Variants in KAZN observed in about 807,000 individuals in gnomAD.
KAZN encodes kazrin.
In KAZN, 40 loss-of-function variants were observed where a neutral mutation model predicts 87.4. The ratio of observed to expected loss-of-function variants is 0.46; its 90% CI spans 0.36 to 0.60. KAZN has a LOEUF of 0.60. Ranked by LOEUF, KAZN falls within the 20% of genes least tolerant of loss-of-function variation. The pLI is 0.00. For missense variants in KAZN, 898 were observed against 1,073.9 expected (o/e 0.84, Z 2.29); for synonymous variants, 466 against 458.3 (o/e 1.02, Z -0.22).
In KAZN at chr1:13,951,731, G is replaced by T. The variant is rs143727586; in HGVS notation, c.91+57975G>T. ...GAAACAGAATGGCCAGCACAGGGTT[G>T]CTGTCCATGATGATCATGCTCTTTG... On this transcript the variant is annotated intron_variant, in intron 1 of 16. Transcript: ENST00000636203. Among the ~76,000 whole-genome samples the T allele has an allele frequency of 8.3e-4, 126 of 152,212 alleles. 1 individual carries two copies. In the East Asian group the frequency reaches 0.022, roughly 26 times the overall value.
At chr1:14,936,086 T>C (rs1249577127) in intron 1 of KAZN, among the ~76,000 whole-genome samples, 1 of 152,186 alleles carries the variant, frequency 6.6e-6, no homozygotes, top group African/African-American at 2.4e-5. Context: ...ATGTCATGTC[T>C]CTCCAGTGTG....
intron 1 of KAZN, among the ~76,000 whole-genome samples, chr1:14,056,141 C>A (rs1014566961): frequency 1.3e-5 from 2 of 152,222 alleles, no homozygotes; most frequent in Non-Finnish European, 2.9e-5. Flanking sequence ...TTGTGCCAGG[C>A]CTTTGCCCAA....
chr1:14,879,373 G>A (rs1653093489), intron 1 of KAZN, among the ~76,000 whole-genome samples: 1 of 152,224 alleles, frequency 6.6e-6, no homozygotes, highest in Non-Finnish European at 1.5e-5. Context: ...TGTTATTAAT[G>A]ATTACATATA....
chr1:14,412,891 G>A (rs1038223038), intron 2 of KAZN, among the ~76,000 whole-genome samples: 1 of 150,454 alleles, frequency 6.6e-6, no homozygotes, highest in African/African-American at 2.4e-5. Flanking sequence ...CTGTGATATG[G>A]ACTCAGAAAT....
Position 14,589,539 on chromosome 1 carries a change from G to A in KAZN, c.250-9444G>A, listed in dbSNP as rs59945838. ...TTCATGGCACACTGACTTATACAGC[G>A]TACACCATTTGGCAAATACAGATTT... On this transcript the variant is annotated intron_variant, in intron 2 of 16. Coordinates refer to the KAZN transcript ENST00000636203. Among the ~76,000 whole-genome samples, 570 of 152,234 alleles carry A rather than the reference G, an allele frequency of 3.7e-3. 8 individuals are homozygous for A. The highest frequency in any genetic ancestry group is 0.013 in the African/African-American group (534 of 41,544).
At chr1:14,912,111 C>A (rs1030612842) in intron 1 of KAZN, among the ~76,000 whole-genome samples, 3 of 144,220 alleles carry the variant, frequency 2.1e-5, no homozygotes, top group Middle Eastern at 3.6e-3. Flanking sequence ...CACAACTGCA[C>A]TCCAGCCTGG....
chr1:14,824,096 A>G (rs1646813552), intron 1 of KAZN, among the ~76,000 whole-genome samples: 1 of 144,816 alleles, frequency 6.9e-6, no homozygotes, highest in Admixed American at 7.1e-5. Flanking sequence ...CCTGGGCAAC[A>G]GAGCAAGACT....
intron 1 of KAZN, among the ~76,000 whole-genome samples, chr1:13,948,362 A>G (rs925233186): frequency 6.6e-6 from 1 of 152,182 alleles, no homozygotes; most frequent in African/African-American, 2.4e-5. Flanking sequence ...AAGTTCTCAC[A>G]AGATCTGATG....
intron 1 of KAZN, among the ~76,000 whole-genome samples, chr1:14,925,623 G>A (rs756415482): frequency 2.6e-5 from 4 of 152,192 alleles, no homozygotes; most frequent in Admixed American, 6.5e-5. Context: ...GAAATCCAAA[G>A]TCTTAGCACC....
chr1:15,025,260 C>G (rs1671055017), intron 2 of KAZN, among the ~76,000 whole-genome samples: 2 of 152,354 alleles, frequency 1.3e-5, no homozygotes, highest in South Asian at 4.1e-4. Context: ...TCTGCTCTTT[C>G]ACCCTTAAGC....
At chr1:14,341,048 C>T (rs1211883369) in intron 2 of KAZN, among the ~76,000 whole-genome samples, 1 of 144,754 alleles carries the variant, frequency 6.9e-6, no homozygotes, top group African/African-American at 2.5e-5. Flanking sequence ...CCACCATGCC[C>T]AGCTAATTTT....
chr1:13,928,615 A>G (rs1640374660), intron 1 of KAZN, among the ~76,000 whole-genome samples: 1 of 152,232 alleles, frequency 6.6e-6, no homozygotes, highest in Non-Finnish European at 1.5e-5. Context: ...TGTGATTAAC[A>G]TAATAAAAAA....
intron 2 of KAZN, among the ~76,000 whole-genome samples, chr1:14,366,445 C>T (rs1264496051): frequency 6.6e-6 from 1 of 152,252 alleles, no homozygotes; most frequent in Non-Finnish European, 1.5e-5. Context: ...AGTATCATAG[C>T]TGTGAAGCAG....
intron 1 of KAZN, among the ~76,000 whole-genome samples, chr1:14,124,617 C>A (rs1274159037): frequency 1.3e-5 from 2 of 152,214 alleles, no homozygotes; most frequent in Non-Finnish European, 2.9e-5. Flanking sequence ...TTATTTATTG[C>A]TTAAGCTCTC....
chr1:14,595,281 A>G (rs191636713), upstream of KAZN, among the ~76,000 whole-genome samples: 280 of 152,326 alleles, frequency 1.8e-3, no homozygotes, highest in Non-Finnish European at 3.4e-3. Flanking sequence ...TGGTGCAGCC[A>G]TTGTGGAAAA....
intron 1 of KAZN, among the ~76,000 whole-genome samples, chr1:14,894,941 A>C (rs1045679642): frequency 6.6e-6 from 1 of 152,228 alleles, no homozygotes. Flanking sequence ...GCTGCCCCAG[A>C]GGCTTCTCTC....
chr1:14,100,070 G>T (rs141682162), intron 1 of KAZN, among the ~76,000 whole-genome samples: 167 of 152,244 alleles, frequency 1.1e-3, no homozygotes, highest in African/African-American at 4.0e-3. Flanking sequence ...CACAGTAATA[G>T]TCATGATTAC....
intron 1 of KAZN, among the ~76,000 whole-genome samples, chr1:14,839,543 T>C (rs892006807): frequency 1.3e-5 from 2 of 152,162 alleles, no homozygotes; most frequent in African/African-American, 4.8e-5. Context: ...GAAAAACCCC[T>C]ATTCATCCTT....
intron 1 of KAZN, among the ~76,000 whole-genome samples, chr1:14,824,915 C>T (rs1282804723): frequency 6.6e-6 from 1 of 152,228 alleles, no homozygotes; most frequent in Non-Finnish European, 1.5e-5. Context: ...ATTTAGTGGC[C>T]TCTTGGGGGA....
Sources: allele counts gnomAD v4.1 joint callset (sites outside exome capture counted in the v4.1 genomes callset), GRCh38; gene constraint gnomAD v4.1.1; transcripts MANE v1.5; gene names NCBI Gene and HGNC (gene_info 2026-07-23, HGNC 2026-07-21).